Variants in SLC39A11 observed in about 807,000 individuals in gnomAD.
The protein encoded by SLC39A11 is solute carrier family 39 member 11, also known as zinc transporter ZIP11.
SLC39A11 carries 33 observed loss-of-function variants against 36.1 expected under a neutral mutation model. The ratio of observed to expected loss-of-function variants is 0.91; its 90% CI spans 0.69 to 1.22. SLC39A11 has a LOEUF of 1.22. Among genes scored for constraint, SLC39A11 ranks in the 50% most tolerant of loss-of-function variants. The pLI, the probability that SLC39A11 is intolerant of heterozygous loss-of-function variation, is 0.00. For synonymous variants in SLC39A11, 166 were observed against 170.3 expected, an observed-to-expected ratio of 0.97 and a Z score of 0.20; for missense variants, 432 against 430.3, an observed-to-expected ratio of 1.00 and a Z score of -0.03.
intron 6 of SLC39A11, among the ~76,000 whole-genome samples, chr17:72,785,955 T>G (rs549204709): frequency 1.7e-4 from 25 of 146,876 alleles, no homozygotes; most frequent in African/African-American, 6.6e-4. Context: ...TAAATTTGAT[T>G]GGCCAAGCCC....
chr17:73,061,466 T>C (rs1309014405), intron 3 of SLC39A11, among the ~76,000 whole-genome samples: 1 of 152,218 alleles, frequency 6.6e-6, no homozygotes, highest in Non-Finnish European at 1.5e-5. Context: ...AGTCAGATTT[T>C]CATGCTAAGT....
intron 6 of SLC39A11, among the ~76,000 whole-genome samples, chr17:72,843,282 G>T (rs532260139): frequency 1.5e-4 from 23 of 152,088 alleles, no homozygotes; most frequent in Non-Finnish European, 2.2e-4. Context: ...TAGGGTTGTG[G>T]ATAGACTCCA....
intron 3 of SLC39A11, among the ~76,000 whole-genome samples, chr17:73,044,892 A>AG (rs1195191697): frequency 6.6e-6 from 1 of 151,818 alleles, no homozygotes; most frequent in African/African-American, 2.4e-5. Context: ...AAAAAAAAAA[A>AG]AAAAGAAAAG....
rs56036208 is a variant in SLC39A11 at position 72,949,144 on chromosome 17, C to CTTT, written c.307-1272_307-1270dup. On this transcript the variant is annotated intron_variant, in intron 4 of 9. Transcript: ENST00000255559. ...AAATAAAATACCATACACTGGGCAGCTTTTTTTTTTTTTTTTTTTTTTTTT... is the reference window on the plus strand; with the variant it reads ...AAATAAAATACCATACACTGGGCAGCTTTTTTTTTTTTTTTTTTTTTTTTTTTT... Among the ~76,000 whole-genome samples, 363 of 36,512 alleles carry CTTT rather than the reference C, an allele frequency of 9.9e-3. 84 individuals carry two copies. The highest frequency in any genetic ancestry group is 0.013 in the Non-Finnish European group (243 of 18,636). 24.0% of individuals were successfully genotyped at this position (36,512 alleles called of 152,430 possible). A position where few individuals can be genotyped will look rare whatever the true frequency, so the allele number is the denominator to read the frequency against.
intron 4 of SLC39A11, among the ~76,000 whole-genome samples, chr17:73,006,299 G>C (rs376127066): frequency 6.6e-6 from 1 of 152,144 alleles, no homozygotes; most frequent in East Asian, 1.9e-4. Context: ...TCCAACATGA[G>C]AACACAAAAC....
intron 1 of SLC39A11, chr17:73,089,624 G>A (rs937901034): frequency 6.6e-6 from 1 of 152,258 alleles, no homozygotes; most frequent in African/African-American, 2.4e-5. Context: ...TTGAGGACGG[G>A]GACGGTGCTT....
At chr17:72,769,559 T>C (rs997219109) in intron 6 of SLC39A11, among the ~76,000 whole-genome samples, 14 of 152,098 alleles carry the variant, frequency 9.2e-5, no homozygotes, top group Non-Finnish European at 4.4e-5. Flanking sequence ...TTTTCTTCTT[T>C]TTTTGAGATG....
chr17:72,988,371 G>T (rs2088918764), intron 4 of SLC39A11, among the ~76,000 whole-genome samples: 1 of 152,188 alleles, frequency 6.6e-6, no homozygotes, highest in African/African-American at 2.4e-5. Context: ...TGAGGCATGA[G>T]AATTGCTTGA....
chr17:72,878,613 T>A (rs1296267613), intron 5 of SLC39A11, among the ~76,000 whole-genome samples: 1 of 152,200 alleles, frequency 6.6e-6, no homozygotes, highest in Non-Finnish European at 1.5e-5. Context: ...CAACATCCCC[T>A]ACACCCCCTT....
At chr17:72,812,703 T>C (rs2145418075) in intron 6 of SLC39A11, among the ~76,000 whole-genome samples, 1 of 152,332 alleles carries the variant, frequency 6.6e-6, no homozygotes, top group East Asian at 1.9e-4. Context: ...CTTTTTACGG[T>C]GAACTTTAAC....
At chr17:72,949,144 C>CTGTTTTTTTTT (rs2085661439) in intron 4 of SLC39A11, among the ~76,000 whole-genome samples, 1 of 36,474 alleles carries the variant, frequency 2.7e-5, no homozygotes, top group East Asian at 1.1e-3. Context: ...CACTGGGCAG[C>CTGTTTTTTTTT]TTTTTTTTTT....
chr17:72,943,813 G>C (rs769577579), intron 5 of SLC39A11, among the ~76,000 whole-genome samples: 6 of 152,182 alleles, frequency 3.9e-5, no homozygotes, highest in Non-Finnish European at 7.3e-5. Flanking sequence ...AACTGCATCA[G>C]ACCAATCTGG....
rs1026424449 is a variant in SLC39A11 at position 72,646,953 on chromosome 17, A to C, written c.*631T>G. 3.3e-5 allele frequency: 5 copies of C among 151,558 alleles called. No homozygotes were observed. The highest frequency in any genetic ancestry group is 1.2e-4 in the African/African-American group (5 of 41,290). 9.4% of individuals were successfully genotyped at this position (151,558 alleles called of 1,614,324 possible). On this transcript the variant is annotated 3_prime_UTR_variant, in exon 10 of 10. Coordinates refer to ENST00000255559, the MANE Select transcript of SLC39A11 (RefSeq NM_139177.4). ...ATAATGTCAATCTTTGCCTTTAAAAAAAAAAAAAAAAAAAGCCAGACTAGC... is the reference window on the plus strand; with the variant it reads ...ATAATGTCAATCTTTGCCTTTAAAACAAAAAAAAAAAAAAGCCAGACTAGC...
intron 2 of SLC39A11, among the ~76,000 whole-genome samples, chr17:73,085,229 C>T (rs965816925): frequency 2.0e-5 from 3 of 151,796 alleles, no homozygotes; most frequent in South Asian, 2.1e-4. Context: ...TCACACAGGC[C>T]GGGCACAGTG....
At chr17:72,876,204 C>T (rs1182293757) in intron 5 of SLC39A11, among the ~76,000 whole-genome samples, 1 of 152,026 alleles carries the variant, frequency 6.6e-6, no homozygotes, top group African/African-American at 2.4e-5. Context: ...AAGCCTCCAT[C>T]AAGATCAATG....
chr17:73,016,440 T>A (rs1416675640), intron 4 of SLC39A11, among the ~76,000 whole-genome samples: 16 of 152,060 alleles, frequency 1.1e-4, no homozygotes, highest in Admixed American at 1.0e-3. Flanking sequence ...TTCAAGTGAT[T>A]CTCCTGCCTC....
At chr17:72,834,701 C>T (rs2145766078) in intron 6 of SLC39A11, among the ~76,000 whole-genome samples, 1 of 150,822 alleles carries the variant, frequency 6.6e-6, no homozygotes, top group East Asian at 1.9e-4. Flanking sequence ...AATACCTGGC[C>T]ATGGGAGAAA....
chr17:73,086,459 G>A lies in SLC39A11; in HGVS notation c.109-1613C>T, dbSNP rs551050324. On this transcript the variant is annotated intron_variant, in intron 2 of 9. Coordinates refer to ENST00000255559, the MANE Select transcript of SLC39A11 (RefSeq NM_139177.4). ...AAATTCTGGCACATGTTATAACGTG[G>A]ATGAGCTCTATGGACATTCTTTGAA... Among the ~76,000 whole-genome samples, 7 of 152,218 alleles carry A rather than the reference G, an allele frequency of 4.6e-5. No homozygotes were observed. The East Asian group carries it at 1.3e-3, about 29-fold the overall frequency.
At chr17:72,756,478 G>A (rs2075366798) in intron 6 of SLC39A11, among the ~76,000 whole-genome samples, 1 of 152,248 alleles carries the variant, frequency 6.6e-6, no homozygotes, top group South Asian at 2.1e-4. Context: ...GCTGACACAT[G>A]CTATAACATG....
Sources: allele counts gnomAD v4.1 joint callset (sites outside exome capture counted in the v4.1 genomes callset), GRCh38; gene constraint gnomAD v4.1.1; transcripts MANE v1.5; gene names NCBI Gene and HGNC (gene_info 2026-07-23, HGNC 2026-07-21).